The following ZBTB34 variants were observed in gnomAD, a reference collection of about 807,000 sequenced individuals.
The protein encoded by ZBTB34 is zinc finger and BTB domain-containing protein 34.
Under a neutral mutation model 33.4 loss-of-function variants are expected in ZBTB34, and 1 was observed. The observed-to-expected ratio is 0.03, with a 90% CI of 0.01 to 0.14. The LOEUF is 0.14. ZBTB34 is among the 10% of genes least tolerant of loss of function. The probability of loss-of-function intolerance (pLI) is 1.00; values close to 1 mark genes in which losing one functional copy is unlikely to be tolerated. For synonymous variants in ZBTB34, 283 were observed against 253.5 expected (o/e 1.12, Z -1.11); for missense variants, 406 against 657.2 (o/e 0.62, Z 4.18).
chr9:126,870,576 G>T (rs1249187361), intron 1 of ZBTB34, among the ~76,000 whole-genome samples: 1 of 152,158 alleles, frequency 6.6e-6, no homozygotes, highest in Non-Finnish European at 1.5e-5. Context: ...GCAGTTCAAA[G>T]ACAAACTTAG....
chr9:126,878,862 T>TA (rs953077562), intron 1 of ZBTB34, among the ~76,000 whole-genome samples: 7 of 152,082 alleles, frequency 4.6e-5, no homozygotes, highest in African/African-American at 1.7e-4. Context: ...TAGCTGGAAT[T>TA]ACAGGTGCAC....
At chr9:126,871,247 C>T (rs1209612133) in intron 1 of ZBTB34, among the ~76,000 whole-genome samples, 1 of 151,000 alleles carries the variant, frequency 6.6e-6, no homozygotes, top group Non-Finnish European at 1.5e-5. Context: ...TTTGTAATGG[C>T]TTTCTTAGTA....
chr9:126,874,941 C>T (rs2033335899), intron 1 of ZBTB34, among the ~76,000 whole-genome samples: 1 of 152,218 alleles, frequency 6.6e-6, no homozygotes, highest in African/African-American at 2.4e-5. Flanking sequence ...TGATGGATCC[C>T]TAGTGCCTGA....
chr9:126,873,181 A>G (rs935785454), intron 1 of ZBTB34, among the ~76,000 whole-genome samples: 1 of 152,114 alleles, frequency 6.6e-6, no homozygotes, highest in Non-Finnish European at 1.5e-5. Context: ...AGTAGGTAAC[A>G]TTTGCCTATT....
chr9:126,881,060 T>A, exon 2 of ZBTB34: 1 of 939,242 alleles, frequency 1.1e-6, no homozygotes, highest in Non-Finnish European at 1.6e-6. Flanking sequence ...GAACACTTCG[T>A]TGTGTTTATC....
chr9:126,881,260 G>C (rs2033437130), exon 2 of ZBTB34: 1 of 206,638 alleles, frequency 4.8e-6, no homozygotes, highest in East Asian at 1.3e-4. Flanking sequence ...GTGTGCGCTG[G>C]CAGCAGTGCA....
intron 1 of ZBTB34, among the ~76,000 whole-genome samples, chr9:126,864,935 G>A (rs34612057): frequency 7.2e-5 from 11 of 152,176 alleles, no homozygotes; most frequent in Admixed American, 1.3e-4. Context: ...GCCAGAGAAA[G>A]CCTCGTTTGA....
intron 1 of ZBTB34, among the ~76,000 whole-genome samples, chr9:126,875,154 C>G (rs1402682145): frequency 6.6e-6 from 1 of 152,206 alleles, no homozygotes; most frequent in Non-Finnish European, 1.5e-5. Context: ...GTAAAATACA[C>G]ATCAGATTTC....
chr9:126,867,236 G>A (rs561666683), intron 1 of ZBTB34, among the ~76,000 whole-genome samples: 3 of 149,480 alleles, frequency 2.0e-5, no homozygotes, highest in Non-Finnish European at 3.0e-5. Context: ...ATTCCTCCCC[G>A]TTACTTGTGG....
chr9:126,869,529 G>T (rs2033251186), intron 1 of ZBTB34, among the ~76,000 whole-genome samples: 1 of 152,158 alleles, frequency 6.6e-6, no homozygotes. Context: ...AGAGGGGGAG[G>T]CTGAGGGGTG....
intron 1 of ZBTB34, among the ~76,000 whole-genome samples, chr9:126,866,355 TTC>T (rs1243230377): frequency 6.6e-6 from 1 of 152,064 alleles, no homozygotes; most frequent in African/African-American, 2.4e-5. Context: ...TCTGTTTGAG[TTC>T]TCTGAGTATT....
At position 126,879,961 on chromosome 9, in the gene ZBTB34, A is replaced by G; in HGVS notation, c.562A>G (p.Thr188Ala). ...CGCAAGCAGTGACCTCCGGATGGAGACGACCCCCAGCAAAGCTTTGCGCAG... is the reference window on the plus strand; with the variant it reads ...CGCAAGCAGTGACCTCCGGATGGAGGCGACCCCCAGCAAAGCTTTGCGCAG... Residue 188 changes from threonine (T) to alanine (A), a missense_variant, in exon 2 of 2, where the codon ACG becomes GCG. By Grantham distance (58) the Thr-to-Ala change is moderately conservative. Coordinates refer to ENST00000319119, the Ensembl canonical transcript of ZBTB34. The surrounding 1 kb of genome is among the most constrained non-coding windows in gnomAD (Gnocchi z 6.4). 6.2e-7 allele frequency: 1 copy of G among 1,613,174 alleles called. No individual in the cohort carries two copies. The highest frequency in any genetic ancestry group is 2.2e-5 in the East Asian group (1 of 44,868).
At chr9:126,873,954 A>G (rs2033316679) in intron 1 of ZBTB34, among the ~76,000 whole-genome samples, 1 of 151,266 alleles carries the variant, frequency 6.6e-6, no homozygotes, top group Non-Finnish European at 1.5e-5. Flanking sequence ...TCTTTTTAAA[A>G]GCCTCTGTTC....
intron 1 of ZBTB34, among the ~76,000 whole-genome samples, chr9:126,873,028 C>T (rs763755995): frequency 4.6e-5 from 7 of 152,182 alleles, no homozygotes; most frequent in Admixed American, 6.5e-5. Flanking sequence ...CATTCTATTT[C>T]AGAAATGCTC....
At chr9:126,885,400 G>A (rs2033508720) in exon 2 of ZBTB34, 1 of 167,038 alleles carries the variant, frequency 6.0e-6, no homozygotes, top group Admixed American at 6.5e-5. Context: ...CCAAGCCTTT[G>A]GTTGCTGCCC....
chr9:126,871,782 A>G (rs575827664), intron 1 of ZBTB34, among the ~76,000 whole-genome samples: 1 of 152,128 alleles, frequency 6.6e-6, no homozygotes, highest in East Asian at 1.9e-4. Flanking sequence ...TGTGATCTGA[A>G]GTTCTACCAT....
chr9:126,865,164 A>G (rs867806653), intron 1 of ZBTB34, among the ~76,000 whole-genome samples: 2 of 152,218 alleles, frequency 1.3e-5, no homozygotes, highest in South Asian at 2.1e-4. Flanking sequence ...GTTAGGTTGG[A>G]ATAAGCCACC....
At chr9:126,873,019 A>G (rs1025747698) in intron 1 of ZBTB34, among the ~76,000 whole-genome samples, 16 of 152,162 alleles carry the variant, frequency 1.1e-4, no homozygotes, top group Admixed American at 5.9e-4. Context: ...TCAGTTGTAC[A>G]TTCTATTTCA....
intron 1 of ZBTB34, among the ~76,000 whole-genome samples, chr9:126,870,622 C>A (rs1023747116): frequency 3.3e-5 from 5 of 152,172 alleles, no homozygotes; most frequent in Admixed American, 1.3e-4. Flanking sequence ...AGATATCAAC[C>A]TCATTTATAA....
Sources: allele counts gnomAD v4.1 joint callset (sites outside exome capture counted in the v4.1 genomes callset), GRCh38; gene constraint gnomAD v4.1.1; non-coding constraint Gnocchi (gnomAD v3.1); transcripts MANE v1.5; gene names NCBI Gene and HGNC (gene_info 2026-07-23, HGNC 2026-07-21).